Variants in SLCO4C1 observed in about 807,000 individuals in gnomAD.
SLCO4C1 encodes the protein organic anion transporter M1.
Under a neutral mutation model 72.1 loss-of-function variants are expected in SLCO4C1, and 58 were observed. The observed-to-expected ratio is 0.80, with a 90% CI of 0.65 to 1.00. The LOEUF is 1.00. SLCO4C1 is among the 50% of genes least tolerant of loss of function. The pLI is 0.00. For missense variants in SLCO4C1, 898 were observed against 857.9 expected, an observed-to-expected ratio of 1.05 and a Z score of -0.58; for synonymous variants, 297 against 312.5, an observed-to-expected ratio of 0.95 and a Z score of 0.52.
At chr5:102,276,547 C>T (rs1411462209) in intron 2 of SLCO4C1, among the ~76,000 whole-genome samples, 1 of 152,174 alleles carries the variant, frequency 6.6e-6, no homozygotes, top group Non-Finnish European at 1.5e-5. Flanking sequence ...TATACCTTAA[C>T]TAGTCAGGTA....
rs764679197 is a variant in SLCO4C1, at chr5:102,247,287, A to C, written c.1776T>G (p.Phe592Leu). The C allele has an allele frequency of 6.3e-6, 10 of 1,575,722 alleles. No homozygotes were observed. The highest frequency in any genetic ancestry group is 8.7e-6 in the Non-Finnish European group (10 of 1,153,186). ...CIFFIVIIFTFMAGTPITVSI... is the reference protein window; with the variant it reads ...CIFFIVIIFTLMAGTPITVSI... ...ACACAGTTATAGGAGTACCGGCCAT[A>C]AAGGTAAAAATAATTACAATAAAGA... The change falls in exon 10 of 13, where the codon TTT (phenylalanine) becomes TTG (leucine). Residue 592 changes from phenylalanine to leucine, a missense_variant. Transcript: ENST00000310954.
chr5:102,291,243 C>A lies in SLCO4C1; in HGVS notation c.619+100G>T, dbSNP rs375986188. On this transcript the variant is annotated intron_variant, in intron 2 of 12. Coordinates refer to ENST00000310954, the MANE Select transcript of SLCO4C1 (RefSeq NM_180991.5). ...CAGTGAGGTGTGGAAGAGATGTAAA[C>A]CCTTACCATACTGTGTAAGTGAATT... 26 of 1,276,470 alleles carry A rather than the reference C, an allele frequency of 2.0e-5. No individual in the cohort carries two copies. In the African/African-American group the frequency reaches 2.3e-4, roughly 11 times the overall value. The allele number at this position is 1,276,470 out of a possible 1,614,324, so 79.1% of individuals were successfully genotyped here.
chr5:102,296,118 G>T lies in SLCO4C1; in HGVS notation c.145C>A (p.Leu49Ile). Residue 49 changes from leucine (L) to isoleucine (I), a missense_variant, in exon 1 of 13, where the codon CTT becomes ATT. By Grantham distance (5) the Leu-to-Ile change is conservative (BLOSUM62 2). Transcript: ENST00000310954. ...TTCTGGGGCTCCTGGGGCTTCTGAA[G>T]CTCCTGTGGCTGAGAATTCTCTCTT... ...PQRENSQPQELQKPQEPQKSP... is the reference protein window; with the variant it reads ...PQRENSQPQEIQKPQEPQKSP... 6.2e-7 allele frequency: 1 copy of T among 1,614,160 alleles called. No homozygotes were observed. Among genetic ancestry groups the T allele is most frequent in the Admixed American group, 1.7e-5 (1 of 60,034 alleles).
chr5:102,249,849 G>A (rs1580243408), intron 8 of SLCO4C1, 61 bp from the exon 9 acceptor site: 54 of 1,538,812 alleles, frequency 3.5e-5, no homozygotes, highest in East Asian at 2.3e-4. Context: ...TAACAATTTC[G>A]AAGCACTGTT....
At chr5:102,280,787 T>A (rs1228737276) in intron 2 of SLCO4C1, among the ~76,000 whole-genome samples, 2 of 152,000 alleles carry the variant, frequency 1.3e-5, no homozygotes. Flanking sequence ...GAGAACAGCA[T>A]GGGGGAAACC....
chr5:102,239,118 G>A (rs1422777333), intron 12 of SLCO4C1, 133 bp downstream of exon 12: 1 of 680,150 alleles, frequency 1.5e-6, no homozygotes, highest in South Asian at 3.7e-5. Flanking sequence ...TCTGCTTCAG[G>A]AAGACTACTG....
intron 5 of SLCO4C1, among the ~76,000 whole-genome samples, 183 bp downstream of exon 5, chr5:102,261,729 G>C (rs571197742): frequency 6.6e-6 from 1 of 151,930 alleles, no homozygotes; most frequent in East Asian, 1.9e-4. Context: ...AAAAAAACAT[G>C]AATATTAAGA....
In SLCO4C1 at chr5:102,260,284, C is replaced by A; in HGVS notation, c.1057G>T (p.Ala353Ser). 1 of 1,369,628 alleles carries A rather than the reference C, an allele frequency of 7.3e-7. No individual in the cohort carries two copies. The highest frequency in any genetic ancestry group is 9.5e-7 in the Non-Finnish European group (1 of 1,055,548). The allele number at this position is 1,369,628 out of a possible 1,614,324, so 84.8% of individuals were successfully genotyped here. A position where few individuals can be genotyped will look rare whatever the true frequency, so the allele number is the denominator to read the frequency against. ...AEIQAGKTSQAHQSNSNADVK... is the reference protein window; with the variant it reads ...AEIQAGKTSQSHQSNSNADVK... ...TCTGCATTACTATTACTCTGATGAG[C>A]CTGGGAAGTTTTTCCAGCTTGAATT... The change falls in exon 6 of 13, where the codon GCT (alanine) becomes TCT (serine). Residue 353 changes from alanine (A) to serine (S), a missense_variant. Coordinates refer to ENST00000310954, the MANE Select transcript of SLCO4C1 (RefSeq NM_180991.5).
chr5:102,242,331 A>G (rs1297827958), intron 10 of SLCO4C1, among the ~76,000 whole-genome samples: 1 of 152,160 alleles, frequency 6.6e-6, no homozygotes, highest in Admixed American at 6.6e-5. Flanking sequence ...AGTGGACTGG[A>G]GGCACACGTG....
intron 1 of SLCO4C1, among the ~76,000 whole-genome samples, chr5:102,292,318 C>T (rs933439648): frequency 6.6e-6 from 1 of 152,168 alleles, no homozygotes; most frequent in East Asian, 1.9e-4. Flanking sequence ...ATGGACCTCA[C>T]TCAGAAGACT....
intron 8 of SLCO4C1, among the ~76,000 whole-genome samples, chr5:102,252,168 C>A (rs894536433): frequency 6.6e-6 from 1 of 151,896 alleles, no homozygotes; most frequent in Non-Finnish European, 1.5e-5. Context: ...GGAGGAGAAG[C>A]AAACCTCTGC....
intron 12 of SLCO4C1, among the ~76,000 whole-genome samples, chr5:102,238,471 ACTCTAT>A (rs1173280755): frequency 2.0e-5 from 3 of 152,164 alleles, no homozygotes; most frequent in East Asian, 3.9e-4. Context: ...ATATTCTATT[ACTCTAT>A]CTCTATCAAC....
At chr5:102,262,220 T>C (rs1250129240) in intron 4 of SLCO4C1, among the ~76,000 whole-genome samples, 187 bp from the exon 5 acceptor site, 1 of 152,194 alleles carries the variant, frequency 6.6e-6, no homozygotes, top group African/African-American at 2.4e-5. Flanking sequence ...GTTATAAGAA[T>C]AATGGTTTAC....
chr5:102,286,112 T>C (rs1412392589), intron 2 of SLCO4C1, among the ~76,000 whole-genome samples: 1 of 152,116 alleles, frequency 6.6e-6, no homozygotes, highest in African/African-American at 2.4e-5. Flanking sequence ...CCAAAGTCCT[T>C]TGATGAAGCA....
At chr5:102,259,194 T>C (rs1203973132) in intron 6 of SLCO4C1, among the ~76,000 whole-genome samples, 2 of 152,112 alleles carry the variant, frequency 1.3e-5, no homozygotes, top group African/African-American at 4.8e-5. Context: ...CAAGGATATC[T>C]AGGTGGTATC....
intron 2 of SLCO4C1, among the ~76,000 whole-genome samples, chr5:102,290,195 A>C (rs1749526409): frequency 6.6e-6 from 1 of 152,170 alleles, no homozygotes; most frequent in Admixed American, 6.5e-5. Context: ...GGAGAGAGGA[A>C]GCAAGAGAGC....
intron 2 of SLCO4C1, among the ~76,000 whole-genome samples, chr5:102,283,122 C>T (rs1749387291): frequency 6.6e-6 from 1 of 151,486 alleles, no homozygotes; most frequent in African/African-American, 2.4e-5. Flanking sequence ...TAATTAAAAC[C>T]CTTTCTAATG....
rs771400003 is a variant in SLCO4C1 at position 102,270,733 on chromosome 5, G to C, written c.693C>G (p.Val231=). 2.5e-6 allele frequency: 4 copies of C among 1,612,972 alleles called. No homozygotes were observed. In the Admixed American group the frequency reaches 5.0e-5, roughly 20 times the overall value. Residue 231 remains valine (V), a synonymous_variant, in exon 3 of 13, where the codon GTC becomes GTG. Coordinates refer to ENST00000310954, the MANE Select transcript of SLCO4C1 (RefSeq NM_180991.5). ...STSSLSNYLY[V]FILGQLLLGA... is the part of the protein sequence containing the mutation. ...CCAGCAATAGTTGTCCCAAGATGAAGACATACAAGTAGTTAGAAAGTGAAG... is the reference window on the plus strand; with the variant it reads ...CCAGCAATAGTTGTCCCAAGATGAACACATACAAGTAGTTAGAAAGTGAAG...
chr5:102,264,126 C>A (rs1290650109), intron 3 of SLCO4C1, among the ~76,000 whole-genome samples: 1 of 152,074 alleles, frequency 6.6e-6, no homozygotes, highest in Non-Finnish European at 1.5e-5. Flanking sequence ...GAAAACAATG[C>A]AAGCAATGTG....
Sources: allele counts gnomAD v4.1 joint callset (sites outside exome capture counted in the v4.1 genomes callset), GRCh38; gene constraint gnomAD v4.1.1; transcripts MANE v1.5; gene names NCBI Gene and HGNC (gene_info 2026-07-23, HGNC 2026-07-21).